Variants in FHIT observed in about 807,000 individuals in gnomAD.
FHIT encodes the protein bis(5'-adenosyl)-triphosphatase.
A neutral mutation model predicts 17.9 loss-of-function variants in FHIT; 19 were observed. That is an observed-to-expected ratio of 1.06 (90% CI 0.74 to 1.56). FHIT has a LOEUF of 1.56. Among genes scored for constraint, FHIT ranks in the 40% most tolerant of loss-of-function variants. FHIT has a pLI of 0.00. For missense variants in FHIT, 248 were observed against 189.2 expected (o/e 1.31, Z -1.82); for synonymous variants, 81 against 69.7 (o/e 1.16, Z -0.81).
At chr3:60,803,795 T>G (rs1701284727) in intron 4 of FHIT, among the ~76,000 whole-genome samples, 1 of 152,186 alleles carries the variant, frequency 6.6e-6, no homozygotes, top group African/African-American at 2.4e-5. Flanking sequence ...ATGCGATTTT[T>G]GGTAAGGACC....
intron 5 of FHIT, among the ~76,000 whole-genome samples, chr3:60,018,101 T>G (rs1259083068): frequency 6.6e-6 from 1 of 152,206 alleles, no homozygotes; most frequent in Non-Finnish European, 1.5e-5. Flanking sequence ...GATGCTGGCT[T>G]CTGAATTTGG....
intron 4 of FHIT, among the ~76,000 whole-genome samples, chr3:60,635,445 C>T (rs782756377): frequency 4.6e-5 from 7 of 152,164 alleles, no homozygotes; most frequent in Admixed American, 3.9e-4. Context: ...CTTCATAAGC[C>T]GTTTTCTTGC....
At chr3:59,796,327 C>T (rs1326688874) in intron 8 of FHIT, among the ~76,000 whole-genome samples, 1 of 152,154 alleles carries the variant, frequency 6.6e-6, no homozygotes, top group African/African-American at 2.4e-5. Context: ...CCCAGACCCT[C>T]TATCTCTCCC....
At chr3:60,163,164 A>C (rs1188905345) in intron 5 of FHIT, among the ~76,000 whole-genome samples, 1 of 152,116 alleles carries the variant, frequency 6.6e-6, no homozygotes, top group Non-Finnish European at 1.5e-5. Flanking sequence ...CCTAACCTGG[A>C]AACTGAGAAC....
At chr3:60,928,950 G>A (rs1479043852) in intron 3 of FHIT, among the ~76,000 whole-genome samples, 15 of 152,088 alleles carry the variant, frequency 9.9e-5, no homozygotes, top group African/African-American at 2.4e-4. Context: ...GATGAACATC[G>A]ATGCAGAAAT....
At chr3:60,347,880 T>A (rs1046531319) in intron 5 of FHIT, among the ~76,000 whole-genome samples, 9 of 152,058 alleles carry the variant, frequency 5.9e-5, no homozygotes, top group African/African-American at 2.2e-4. Flanking sequence ...TGCCTCAGCC[T>A]CCCAAGTAGC....
chr3:60,835,704 A>T (rs1336628223), intron 3 of FHIT, among the ~76,000 whole-genome samples: 1 of 151,984 alleles, frequency 6.6e-6, no homozygotes, highest in Admixed American at 6.6e-5. Context: ...TATAGCCTCA[A>T]CCTCCTGAGC....
At chr3:59,841,198 A>G (rs1013157599) in intron 8 of FHIT, among the ~76,000 whole-genome samples, 2 of 152,160 alleles carry the variant, frequency 1.3e-5, no homozygotes, top group African/African-American at 4.8e-5. Context: ...ATTCTGGAAG[A>G]TCACAGCTGT....
At position 60,919,556 on chromosome 3, in the gene FHIT, C is replaced by T. The variant is rs556511009; in HGVS notation, c.-110-97545G>A. On this transcript the variant is annotated intron_variant, in intron 3 of 9. Transcript: ENST00000492590. ...ATTAATGCAATACCCAGGGACAAGG[C>T]GGGAGCCTACTTATAGAGTTCACAG... 1.2e-4 allele frequency among the ~76,000 whole-genome samples: 18 copies of T among 151,976 alleles called. No homozygotes were observed. The South Asian group carries it at 2.3e-3, about 19-fold the overall frequency.
At chr3:60,962,754 C>T (rs528454452) in intron 3 of FHIT, among the ~76,000 whole-genome samples, 9 of 152,174 alleles carry the variant, frequency 5.9e-5, no homozygotes, top group Non-Finnish European at 1.2e-4. Flanking sequence ...GTATGTGAAC[C>T]AGCCTTGCAT....
At chr3:60,413,237 T>A (rs950809769) in intron 5 of FHIT, among the ~76,000 whole-genome samples, 1 of 152,090 alleles carries the variant, frequency 6.6e-6, no homozygotes, top group Non-Finnish European at 1.5e-5. Flanking sequence ...GAAAATTTAT[T>A]AAATAGAAGG....
At chr3:61,002,413 C>T (rs557351258) in intron 3 of FHIT, among the ~76,000 whole-genome samples, 3 of 152,252 alleles carry the variant, frequency 2.0e-5, no homozygotes, top group African/African-American at 7.2e-5. Flanking sequence ...CACGCATGTG[C>T]CAACATGCCA....
At chr3:59,993,671 C>T (rs1008636046) in intron 7 of FHIT, among the ~76,000 whole-genome samples, 2 of 151,728 alleles carry the variant, frequency 1.3e-5, no homozygotes, top group Non-Finnish European at 2.9e-5. Context: ...CTGATGAGGC[C>T]GGCGCCACCA....
chr3:61,189,243 T>C (rs986464817), intron 2 of FHIT, among the ~76,000 whole-genome samples: 4 of 152,154 alleles, frequency 2.6e-5, no homozygotes, highest in African/African-American at 9.7e-5. Flanking sequence ...AGTCTCAGGA[T>C]ACAAAATCAA....
At chr3:60,317,039 A>C (rs1709192632) in intron 5 of FHIT, among the ~76,000 whole-genome samples, 1 of 152,176 alleles carries the variant, frequency 6.6e-6, no homozygotes, top group Admixed American at 6.5e-5. Context: ...AACCATAGCT[A>C]TACAGTAATC....
chr3:60,257,224 A>T (rs1157215556), intron 5 of FHIT, among the ~76,000 whole-genome samples: 1 of 152,170 alleles, frequency 6.6e-6, no homozygotes, highest in Non-Finnish European at 1.5e-5. Context: ...GAGAGTTATG[A>T]CTTAACCTAT....
chr3:61,211,259 G>A (rs921926875), intron 1 of FHIT, among the ~76,000 whole-genome samples: 1 of 151,944 alleles, frequency 6.6e-6, no homozygotes, highest in Non-Finnish European at 1.5e-5. Flanking sequence ...GTCAAAGAAA[G>A]GGGTGACAGA....
At chr3:59,986,560 CACACACACATATAT>C (rs1559523731) in intron 7 of FHIT, among the ~76,000 whole-genome samples, 2 of 45,232 alleles carry the variant, frequency 4.4e-5, no homozygotes, top group African/African-American at 3.1e-4. Context: ...CACACACACA[CACACACACATATAT>C]ACACACACAC....
intron 5 of FHIT, among the ~76,000 whole-genome samples, chr3:60,496,111 A>G (rs1428013611): frequency 6.6e-6 from 1 of 152,066 alleles, no homozygotes; most frequent in Non-Finnish European, 1.5e-5. Context: ...TACAGCCAAA[A>G]TGCATAGACC....
Sources: gnomAD v4.1 joint callset for allele counts (sites outside exome capture counted in the v4.1 genomes callset) on GRCh38, gnomAD v4.1.1 for gene constraint, MANE v1.5 for transcripts, NCBI Gene and HGNC (gene_info 2026-07-23, HGNC 2026-07-21) for gene names.